The following FGGY variants were observed in gnomAD, a reference collection of about 807,000 sequenced individuals.
The protein encoded by FGGY is FGGY carbohydrate kinase domain containing.
A neutral mutation model predicts 71.3 loss-of-function variants in FGGY; 72 were observed. The ratio of observed to expected loss-of-function variants is 1.01; its 90% CI spans 0.84 to 1.23. The LOEUF is 1.23. Ranked by LOEUF, FGGY falls within the 50% of genes most tolerant of loss-of-function variation. The probability of loss-of-function intolerance (pLI) is 0.00; values close to 1 mark genes in which losing one functional copy is unlikely to be tolerated. For synonymous variants in FGGY, 251 were observed against 250.3 expected (o/e 1.00, Z -0.02); for missense variants, 668 against 682.3 (o/e 0.98, Z 0.23).
chr1:59,420,898 T>C (rs1185064124), intron 5 of FGGY, among the ~76,000 whole-genome samples: 1 of 145,062 alleles, frequency 6.9e-6, no homozygotes, highest in Non-Finnish European at 1.5e-5. Flanking sequence ...TGGACATAAG[T>C]ATTTTTTGGG....
chr1:59,589,788 G>T (rs12080494), intron 8 of FGGY, among the ~76,000 whole-genome samples: 5 of 151,914 alleles, frequency 3.3e-5, no homozygotes, highest in Admixed American at 2.0e-4. Context: ...ATTCAAAGCA[G>T]TGTGTAGAGG....
intron 5 of FGGY, among the ~76,000 whole-genome samples, chr1:59,382,538 A>C (rs2059592215): frequency 6.6e-6 from 1 of 152,186 alleles, no homozygotes; most frequent in Admixed American, 6.5e-5. Context: ...TATGGTTATC[A>C]TCAGTGGGGA....
chr1:59,672,143 C>T (rs375237061), intron 13 of FGGY, among the ~76,000 whole-genome samples: 10 of 152,220 alleles, frequency 6.6e-5, no homozygotes, highest in African/African-American at 2.2e-4. Flanking sequence ...AGTGCTCTCT[C>T]CTGCTGGTGT....
chr1:59,757,196 C>G (rs565718379), intron 14 of FGGY, among the ~76,000 whole-genome samples: 44 of 152,214 alleles, frequency 2.9e-4, no homozygotes, highest in South Asian at 1.0e-3. Context: ...TTTCTCATGG[C>G]CTTAACAGCC....
intron 14 of FGGY, among the ~76,000 whole-genome samples, chr1:59,719,831 A>G (rs2097873351): frequency 6.6e-6 from 1 of 152,230 alleles, no homozygotes; most frequent in South Asian, 2.1e-4. Context: ...TAGAGATGAA[A>G]AAACTGAGGT....
chr1:59,665,915 C>T (rs564959845), intron 12 of FGGY, among the ~76,000 whole-genome samples: 2 of 152,284 alleles, frequency 1.3e-5, no homozygotes, highest in African/African-American at 2.4e-5. Context: ...CCTCATGATC[C>T]GCCCGCCTTG....
chr1:59,576,072 G>A (rs1325509022), intron 8 of FGGY, among the ~76,000 whole-genome samples: 3 of 152,026 alleles, frequency 2.0e-5, no homozygotes, highest in Non-Finnish European at 4.4e-5. Context: ...AACAGTTGTG[G>A]TGATAAAAAG....
At chr1:59,404,355 G>A (rs550376317) in intron 5 of FGGY, among the ~76,000 whole-genome samples, 22 of 152,044 alleles carry the variant, frequency 1.4e-4, no homozygotes, top group Non-Finnish European at 1.0e-4. Flanking sequence ...CATGTATCCC[G>A]GAACTTAAGA....
chr1:59,707,843 C>T (rs923504418), intron 14 of FGGY, among the ~76,000 whole-genome samples: 3 of 152,172 alleles, frequency 2.0e-5, no homozygotes, highest in African/African-American at 7.2e-5. Context: ...TCATACAAAG[C>T]AGGCCTTCCC....
chr1:59,487,010 A>C (rs1197863953), intron 6 of FGGY, among the ~76,000 whole-genome samples: 3 of 152,218 alleles, frequency 2.0e-5, no homozygotes, highest in Non-Finnish European at 4.4e-5. Flanking sequence ...TATAGGTTAT[A>C]CACTCCAAGG....
At chr1:59,507,829 C>T (rs1479564524) in intron 6 of FGGY, among the ~76,000 whole-genome samples, 1 of 152,026 alleles carries the variant, frequency 6.6e-6, no homozygotes, top group Non-Finnish European at 1.5e-5. Context: ...GCAACCACGC[C>T]CGGCCACATT....
chr1:59,587,832 C>T (rs1163749421), intron 8 of FGGY, among the ~76,000 whole-genome samples: 1 of 152,104 alleles, frequency 6.6e-6, no homozygotes, highest in Non-Finnish European at 1.5e-5. Flanking sequence ...GTAGATAAAA[C>T]CACAAAGATG....
intron 6 of FGGY, among the ~76,000 whole-genome samples, chr1:59,490,708 T>C (rs978208426): frequency 6.6e-6 from 1 of 152,044 alleles, no homozygotes; most frequent in East Asian, 1.9e-4. Context: ...AGAGTAAGAG[T>C]TGGGAGTCTA....
intron 8 of FGGY, among the ~76,000 whole-genome samples, chr1:59,554,883 G>A (rs1558332236): frequency 6.6e-6 from 1 of 152,166 alleles, no homozygotes; most frequent in Non-Finnish European, 1.5e-5. Context: ...TCATTACTCT[G>A]TTAAACTTAA....
At chr1:59,655,154 A>G (rs752598129) in intron 11 of FGGY, among the ~76,000 whole-genome samples, 3 of 152,214 alleles carry the variant, frequency 2.0e-5, no homozygotes, top group Non-Finnish European at 2.9e-5. Flanking sequence ...TGAAGGAGAT[A>G]CGTTACTCCC....
chr1:59,640,877 G>A (rs1240315275), intron 11 of FGGY, among the ~76,000 whole-genome samples: 1 of 150,966 alleles, frequency 6.6e-6, no homozygotes, highest in Non-Finnish European at 1.5e-5. Flanking sequence ...CCCTGTTACA[G>A]TTGTTGGGGG....
intron 7 of FGGY, among the ~76,000 whole-genome samples, chr1:59,519,569 T>C (rs1424481870): frequency 6.6e-6 from 1 of 152,304 alleles, no homozygotes; most frequent in South Asian, 2.1e-4. Flanking sequence ...AATTTATATA[T>C]TTTTTGCGAC....
chr1:59,747,385 T>C (rs575447390), intron 14 of FGGY, among the ~76,000 whole-genome samples: 54 of 152,330 alleles, frequency 3.5e-4, no homozygotes, highest in Non-Finnish European at 6.6e-4. Flanking sequence ...ACCACTCCCC[T>C]GTGCCGTATT....
At chr1:59,549,154 T>A (rs768964239) in intron 7 of FGGY, among the ~76,000 whole-genome samples, 3 of 152,170 alleles carry the variant, frequency 2.0e-5, no homozygotes, top group Non-Finnish European at 2.9e-5. Flanking sequence ...AGCATACAGT[T>A]GTCAATTTGC....
Sources: allele counts gnomAD v4.1 joint callset (sites outside exome capture counted in the v4.1 genomes callset), GRCh38; gene constraint gnomAD v4.1.1; transcripts MANE v1.5; gene names NCBI Gene and HGNC (gene_info 2026-07-23, HGNC 2026-07-21).